The following HACD3 variants were observed in gnomAD, a reference collection of about 807,000 sequenced individuals.
HACD3 encodes the protein 3-hydroxyacyl-CoA dehydratase 3, also known as very-long-chain (3R)-3-hydroxyacyl-CoA dehydratase 3.
In HACD3, 30 loss-of-function variants were observed where a neutral mutation model predicts 55.2. The observed-to-expected ratio is 0.54, with a 90% CI of 0.41 to 0.74. The LOEUF (loss-of-function observed/expected upper bound fraction) is 0.74. HACD3 is among the 30% of genes least tolerant of loss of function. HACD3 has a pLI of 0.00. For synonymous variants in HACD3, 141 were observed against 151.7 expected (o/e 0.93, Z 0.52); for missense variants, 363 against 440.1 (o/e 0.82, Z 1.57).
intron 1 of HACD3, among the ~76,000 whole-genome samples, chr15:65,534,136 A>G (rs1199527806): frequency 2.6e-5 from 4 of 152,094 alleles, no homozygotes; most frequent in African/African-American, 9.7e-5. Flanking sequence ...TCGTTTATGG[A>G]GTACCTACTC....
intron 1 of HACD3, among the ~76,000 whole-genome samples, chr15:65,546,369 T>C (rs1171905615): frequency 1.3e-5 from 2 of 152,230 alleles, no homozygotes; most frequent in African/African-American, 2.4e-5. Context: ...TTGGTAATTA[T>C]ACAAGATAAT....
At chr15:65,567,291 C>T (rs2072301406) in intron 7 of HACD3, among the ~76,000 whole-genome samples, 1 of 151,936 alleles carries the variant, frequency 6.6e-6, no homozygotes, top group Non-Finnish European at 1.5e-5. Context: ...TGCCCTCCAA[C>T]CTGGGCAGCA....
chr15:65,555,030 G>C (rs1304469097), intron 3 of HACD3, 70 bp downstream of exon 3: 9 of 1,232,226 alleles, frequency 7.3e-6, no homozygotes, highest in Non-Finnish European at 1.1e-5. Flanking sequence ...GTGAAATGGG[G>C]AGCAGGGTTT....
At chr15:65,560,042 G>A (rs996048697) in intron 5 of HACD3, among the ~76,000 whole-genome samples, 2 of 151,042 alleles carry the variant, frequency 1.3e-5, no homozygotes, top group African/African-American at 4.9e-5. Context: ...GGATAAGGCT[G>A]TGTTGTTTTT....
intron 1 of HACD3, among the ~76,000 whole-genome samples, chr15:65,533,383 G>A (rs370199348): frequency 6.6e-6 from 1 of 152,226 alleles, no homozygotes; most frequent in Non-Finnish European, 1.5e-5. Flanking sequence ...AATCTTACCT[G>A]TAGGGCAGGG....
At chr15:65,569,034 T>C (rs1306662549) in intron 7 of HACD3, among the ~76,000 whole-genome samples, 1 of 150,182 alleles carries the variant, frequency 6.7e-6, no homozygotes, top group South Asian at 2.1e-4. Flanking sequence ...GATCACAAGG[T>C]CAGGAGATCG....
intron 1 of HACD3, among the ~76,000 whole-genome samples, chr15:65,546,304 A>T (rs77106195): frequency 6.6e-6 from 1 of 152,190 alleles, no homozygotes; most frequent in African/African-American, 2.4e-5. Context: ...ACAATTGTTC[A>T]TGTAGATTTT....
intron 6 of HACD3, 73 bp downstream of exon 6, chr15:65,562,957 C>G: frequency 6.4e-7 from 1 of 1,570,164 alleles, no homozygotes; most frequent in Non-Finnish European, 8.7e-7. Context: ...AGGGAGCACT[C>G]TCTGCCTTTG....
intron 1 of HACD3, among the ~76,000 whole-genome samples, chr15:65,538,900 A>G (rs957945041): frequency 1.3e-5 from 2 of 152,236 alleles, no homozygotes; most frequent in African/African-American, 4.8e-5. Context: ...TCACATGATC[A>G]TTAGCATTTT....
chr15:65,560,848 G>A (rs2072237895), intron 5 of HACD3, among the ~76,000 whole-genome samples: 1 of 148,888 alleles, frequency 6.7e-6, no homozygotes, highest in Non-Finnish European at 1.5e-5. Flanking sequence ...CTTTATCCAT[G>A]TAGACTAGCT....
chr15:65,530,841 A>G (rs2071889946), intron 1 of HACD3, 123 bp downstream of exon 1: 1 of 942,936 alleles, frequency 1.1e-6, no homozygotes. Context: ...AAGGTCGGCG[A>G]CGCGGTGCGC....
At chr15:65,538,848 C>T (rs1198355968) in intron 1 of HACD3, among the ~76,000 whole-genome samples, 1 of 152,224 alleles carries the variant, frequency 6.6e-6, no homozygotes, top group East Asian at 1.9e-4. Flanking sequence ...AACATTGAGG[C>T]AGGACCCGCC....
In HACD3 at chr15:65,571,553, C is replaced by T. The variant is rs780660331; in HGVS notation, c.779C>T (p.Ser260Phe). ...LWSAIEIFRYSFYMLTCIDMD... is the reference protein window; with the variant it reads ...LWSAIEIFRYFFYMLTCIDMD... ...GAATCATTTATTTTCAATAGGTACT[C>T]TTTCTACATGCTGACGTGCATTGAC... is the stretch of plus-strand genomic sequence containing the variant. The change falls in exon 9 of 11, where the codon TCT becomes TTT. Residue 260 changes from serine to phenylalanine, a missense_variant. Physicochemically the swap from Ser to Phe is radical, Grantham distance 155 (BLOSUM62 -2). Transcript: ENST00000261875. 1 of 1,612,434 alleles carries T rather than the reference C, an allele frequency of 6.2e-7. No homozygotes were observed. The highest frequency in any genetic ancestry group is 8.5e-7 in the Non-Finnish European group (1 of 1,178,656).
chr15:65,533,912 C>T (rs1400830057), intron 1 of HACD3, among the ~76,000 whole-genome samples: 3 of 151,764 alleles, frequency 2.0e-5, no homozygotes, highest in Non-Finnish European at 2.9e-5. Context: ...ATTAGCCAGG[C>T]GTGGTGGCGG....
rs1348884613 is a variant in HACD3 at position 65,556,760 on chromosome 15, A to G, written c.226A>G (p.Arg76Gly). 2 of 1,610,270 alleles carry G rather than the reference A, an allele frequency of 1.2e-6. No homozygotes were observed. Among genetic ancestry groups the G allele is most frequent in the Non-Finnish European group, 1.7e-6 (2 of 1,177,676 alleles). ...CTAGCCTGTTTACAAACTGACCCAG[A>G]GGCAGGTAAACATTACAGTACAGAA... is the stretch of plus-strand genomic sequence containing the variant. ...KPEPVYKLTQ[R>G]QVNITVQKKV... is the part of the protein sequence containing the mutation. The change falls in exon 4 of 11, where the codon AGG (arginine) becomes GGG (glycine). Residue 76 changes from arginine (R) to glycine (G), a missense_variant. Arg to Gly is a moderately radical substitution (Grantham distance 125, BLOSUM62 -2). Transcript: ENST00000261875.
chr15:65,559,113 G>C (rs146647691), intron 5 of HACD3, among the ~76,000 whole-genome samples: 39 of 152,358 alleles, frequency 2.6e-4, no homozygotes, highest in African/African-American at 8.7e-4. Context: ...AAGGCTGTAT[G>C]ATACATAAGT....
chr15:65,576,319 T>C lies in HACD3; in HGVS notation c.1029T>C (p.Phe343=), dbSNP rs761320891. 17 of 1,597,558 alleles carry C rather than the reference T, an allele frequency of 1.1e-5. No individual in the cohort carries two copies. Among genetic ancestry groups the C allele is most frequent in the Non-Finnish European group, 1.4e-5 (16 of 1,172,642 alleles). The change falls in exon 11 of 11, where the codon TTT becomes TTC. Residue 343 remains phenylalanine (F), a synonymous_variant. Transcript: ENST00000261875. The stretch of plus-strand genomic sequence containing the variant: ...CTTTTTCAGGTTTATACATAAATTT[T>C]CGTCACCTTTATAAACAGCGCAGAC... ...IMIFLGLYIN[F]RHLYKQRRRR...
intron 10 of HACD3, chr15:65,574,403 A>T (rs1395333079): frequency 6.6e-6 from 1 of 152,370 alleles, no homozygotes; most frequent in African/African-American, 2.4e-5. Context: ...CACAGTGCCT[A>T]ATCTCAGAAG....
chr15:65,564,139 G>A, intron 6 of HACD3, 76 bp from the exon 7 acceptor site: 1 of 1,492,024 alleles, frequency 6.7e-7, no homozygotes, highest in Non-Finnish European at 9.3e-7. Flanking sequence ...TTCACGAAAG[G>A]AGTAATCTAG....
Sources: gnomAD v4.1 joint callset for allele counts (sites outside exome capture counted in the v4.1 genomes callset) on GRCh38, gnomAD v4.1.1 for gene constraint, MANE v1.5 for transcripts, NCBI Gene and HGNC (gene_info 2026-07-23, HGNC 2026-07-21) for gene names.